The following HSP90AA1 variants were observed in gnomAD, a reference collection of about 807,000 sequenced individuals.
The protein encoded by HSP90AA1 is heat shock protein HSP 90-alpha.
HSP90AA1 carries 18 observed loss-of-function variants against 73.3 expected under a neutral mutation model. The observed-to-expected ratio is 0.25, with a 90% CI of 0.17 to 0.36. HSP90AA1 has a LOEUF of 0.36. HSP90AA1 is among the 10% of genes least tolerant of loss of function. The pLI is 1.00. For missense variants in HSP90AA1, 704 were observed against 874.2 expected, an observed-to-expected ratio of 0.81 and a Z score of 2.45; for synonymous variants, 477 against 296.9, an observed-to-expected ratio of 1.61 and a Z score of -6.24.
At chr14:102,117,722 A>G (rs1224752406) in intron 1 of HSP90AA1, among the ~76,000 whole-genome samples, 1 of 152,132 alleles carries the variant, frequency 6.6e-6, no homozygotes, top group Non-Finnish European at 1.5e-5. Context: ...GGCGAAACTA[A>G]AAGAACTGTA....
At position 102,082,404 on chromosome 14, in the gene HSP90AA1, A is replaced by G; in HGVS notation, c.1796T>C (p.Ile599Thr). ...TGTCCAGCCATATGTGCTTGTGACA[A>G]TACAGCATGGAGATGTCACCAATCG... ...SNRLVTSPCC[I>T]VTSTYGWTAN... Residue 599 changes from isoleucine to threonine, a missense_variant, in exon 10 of 11, where the codon ATT becomes ACT. Coordinates refer to ENST00000216281, the MANE Select transcript of HSP90AA1 (RefSeq NM_005348.4). 1.2e-6 allele frequency: 2 copies of G among 1,613,724 alleles called. No homozygotes were observed. The highest frequency in any genetic ancestry group is 2.2e-5 in the South Asian group (2 of 91,082).
chr14:102,106,306 G>T (rs190339884), intron 1 of HSP90AA1, among the ~76,000 whole-genome samples: 1 of 152,176 alleles, frequency 6.6e-6, no homozygotes, highest in Non-Finnish European at 1.5e-5. Flanking sequence ...TCATAACAAT[G>T]GATATCAAAA....
At chr14:102,126,570 G>C (rs946283089) in intron 1 of HSP90AA1, among the ~76,000 whole-genome samples, 2 of 152,004 alleles carry the variant, frequency 1.3e-5, no homozygotes, top group Non-Finnish European at 2.9e-5. Flanking sequence ...CTGTTCCCAG[G>C]CTGGAGTGCA....
intron 3 of HSP90AA1, 84 bp downstream of exon 3, chr14:102,085,674 C>G: frequency 5.7e-6 from 9 of 1,588,096 alleles, no homozygotes; most frequent in Non-Finnish European, 7.8e-6. Flanking sequence ...ATTCTGTAAG[C>G]TTCACCGCAT....
rs2049082466 is a variant in HSP90AA1 at position 102,080,850 on chromosome 14, T to C, written c.*862A>G. On this transcript the variant is annotated 3_prime_UTR_variant, in exon 11 of 11. Coordinates refer to ENST00000216281, the MANE Select transcript of HSP90AA1 (RefSeq NM_005348.4). ...GTAACTCATGGACGCAGGGGATGCATGTTGTCTGCATTCCTGTTTTCTGTG... is the reference window on the plus strand; with the variant it reads ...GTAACTCATGGACGCAGGGGATGCACGTTGTCTGCATTCCTGTTTTCTGTG... 4.4e-6 allele frequency: 1 copy of C among 227,992 alleles called. No individual in the cohort carries two copies. Among genetic ancestry groups the C allele is most frequent in the Admixed American group, 5.7e-5 (1 of 17,614 alleles). The allele number at this position is 227,992 out of a possible 1,614,324, so 14.1% of individuals were successfully genotyped here.
At position 102,086,134 on chromosome 14, in the gene HSP90AA1, A is replaced by G. The variant is rs1300934854; in HGVS notation, c.163-10T>C. 1.9e-6 allele frequency: 3 copies of G among 1,614,146 alleles called. No homozygotes were observed. Among genetic ancestry groups the G allele is most frequent in the Non-Finnish European group, 2.5e-6 (3 of 1,179,998 alleles). The stretch of plus-strand genomic sequence containing the variant: ...GGATTTTGTCCAATGCCTGTTAACA[A>G]AAAATATTAATTTAAGCATACAGCA... On this transcript the variant is annotated splice_polypyrimidine_tract_variant and intron_variant, in intron 2 of 10. Coordinates refer to ENST00000216281, the MANE Select transcript of HSP90AA1 (RefSeq NM_005348.4).
chr14:102,129,133 ATTTTT>A (rs71116884), intron 1 of HSP90AA1, among the ~76,000 whole-genome samples: 3 of 94,394 alleles, frequency 3.2e-5, no homozygotes, highest in Non-Finnish European at 4.4e-5. Flanking sequence ...TCTAGTTTTG[ATTTTT>A]TTTTTTTTTT....
At chr14:102,112,549 GTTCACTGTAATC>G (rs956038238) in intron 1 of HSP90AA1, among the ~76,000 whole-genome samples, 1 of 151,766 alleles carries the variant, frequency 6.6e-6, no homozygotes, top group African/African-American at 2.4e-5. Flanking sequence ...TGTGATCATA[GTTCACTGTAATC>G]TTGAACTCCT....
At chr14:102,095,503 T>C (rs1169724905) in intron 2 of HSP90AA1, among the ~76,000 whole-genome samples, 2 of 152,176 alleles carry the variant, frequency 1.3e-5, no homozygotes, top group African/African-American at 2.4e-5. Flanking sequence ...CACAAAGAAC[T>C]GACAGAGCAG....
At chr14:102,091,108 T>G (rs1351097535), upstream of HSP90AA1, among the ~76,000 whole-genome samples, 1 of 152,192 alleles carries the variant, frequency 6.6e-6, no homozygotes, top group Non-Finnish European at 1.5e-5. Flanking sequence ...GCCTACCCCA[T>G]AGCAATTTAT....
At chr14:102,139,418 A>G (rs1439526209) in exon 1 of HSP90AA1, 2 of 1,539,282 alleles carry the variant, frequency 1.3e-6, no homozygotes, top group Non-Finnish European at 8.8e-7. Flanking sequence ...CGCTCCCCGT[A>G]GGGTACCCCG....
intron 9 of HSP90AA1, chr14:102,082,684 G>A (rs1036900265): frequency 1.3e-4 from 68 of 543,180 alleles, no homozygotes; most frequent in African/African-American, 8.2e-4. Flanking sequence ...GCAGTGGTGC[G>A]ATCTTGGCTC....
chr14:102,101,078 T>A (rs921744586), intron 2 of HSP90AA1, among the ~76,000 whole-genome samples: 6 of 152,152 alleles, frequency 3.9e-5, no homozygotes, highest in Admixed American at 6.6e-5. Flanking sequence ...TGAGGGAAGG[T>A]CAGTCACCAA....
upstream of HSP90AA1, among the ~76,000 whole-genome samples, chr14:102,091,476 T>C (rs117913730): frequency 6.6e-6 from 1 of 151,558 alleles, no homozygotes; most frequent in Admixed American, 6.6e-5. Flanking sequence ...TACAAAAAAA[T>C]TTAGCTGGGT....
At chr14:102,112,767 C>T (rs1227974793) in intron 1 of HSP90AA1, among the ~76,000 whole-genome samples, 1 of 152,230 alleles carries the variant, frequency 6.6e-6, no homozygotes, top group Non-Finnish European at 1.5e-5. Flanking sequence ...AGGCGTGAGC[C>T]ACTGTGCCCA....
At chr14:102,133,715 T>C (rs2049939158) in intron 1 of HSP90AA1, among the ~76,000 whole-genome samples, 2 of 152,044 alleles carry the variant, frequency 1.3e-5, no homozygotes, top group Admixed American at 1.3e-4. Context: ...ACTCCTGACC[T>C]CAGATGATCC....
chr14:102,089,521 C>G (rs567399791), upstream of HSP90AA1, among the ~76,000 whole-genome samples: 1 of 152,352 alleles, frequency 6.6e-6, no homozygotes, highest in East Asian at 1.9e-4. Context: ...TGTTCCTTCT[C>G]TCTTCTCAGA....
At chr14:102,093,572 A>G (rs995574004) in intron 2 of HSP90AA1, among the ~76,000 whole-genome samples, 6 of 151,804 alleles carry the variant, frequency 4.0e-5, no homozygotes, top group African/African-American at 1.5e-4. Flanking sequence ...CTGGAGCCAG[A>G]TTGTGAATTC....
chr14:102,117,778 C>T (rs968052729), intron 1 of HSP90AA1, among the ~76,000 whole-genome samples: 5 of 152,136 alleles, frequency 3.3e-5, no homozygotes, highest in South Asian at 4.1e-4. Context: ...ACGTTGCGGG[C>T]GAAGAGAAGG....
Sources: gnomAD v4.1 joint callset for allele counts (sites outside exome capture counted in the v4.1 genomes callset) on GRCh38, gnomAD v4.1.1 for gene constraint, MANE v1.5 for transcripts, NCBI Gene and HGNC (gene_info 2026-07-23, HGNC 2026-07-21) for gene names.